The following ZMYND15 variants were observed in gnomAD, a reference collection of about 807,000 sequenced individuals.
ZMYND15 encodes the protein zinc finger MYND-type containing 15.
Under a neutral mutation model 81.7 loss-of-function variants are expected in ZMYND15, and 54 were observed. That is an observed-to-expected ratio of 0.66 (90% CI 0.53 to 0.83). The LOEUF (loss-of-function observed/expected upper bound fraction) is 0.83, where lower values mean the gene tolerates loss of function less well. ZMYND15 is among the 40% of genes least tolerant of loss of function. ZMYND15 has a pLI of 0.00. For synonymous variants in ZMYND15, 399 were observed against 387.0 expected (o/e 1.03, Z -0.36); for missense variants, 925 against 973.5 (o/e 0.95, Z 0.66).
In ZMYND15 at chr17:4,739,977, C is replaced by G; in HGVS notation, c.-104C>G. The G allele has an allele frequency of 1.0e-6, 1 of 985,314 alleles. No individual in the cohort carries two copies. Among genetic ancestry groups the G allele is most frequent in the Non-Finnish European group, 1.2e-6 (1 of 829,908 alleles). 61.0% of individuals were successfully genotyped at this position (985,314 alleles called of 1,614,324 possible). A position where few individuals can be genotyped will look rare whatever the true frequency, so the allele number is the denominator to read the frequency against. On this transcript the variant is annotated 5_prime_UTR_variant, in exon 1 of 14. Transcript: ENST00000433935. This position sits in a 1 kb window ranked among gnomAD's most constrained non-coding sequence, Gnocchi z 5.3. The stretch of plus-strand genomic sequence containing the variant: ...GCTGAGCCGGCGAGGGCTCGGGCAG[C>G]CCTGACGTCACAACCGCACCCGCGC...
In ZMYND15 at chr17:4,744,970, C is replaced by G; in HGVS notation, c.1896+42C>G. The G allele has an allele frequency of 1.9e-6, 3 of 1,611,848 alleles. No individual in the cohort carries two copies. Among genetic ancestry groups the G allele is most frequent in the East Asian group, 2.2e-5 (1 of 44,868 alleles). ...AAAGGGAACTTCTCTCCCCTCCTGC[C>G]TGGCCCCTCCCCATCTCCTTTTCTG... is the stretch of plus-strand genomic sequence containing the variant. On this transcript the variant is annotated intron_variant, in intron 12 of 13. Transcript: ENST00000433935. This position sits in a 1 kb window ranked among gnomAD's most constrained non-coding sequence, Gnocchi z 4.1.
Position 4,745,053 on chromosome 17 carries a change from C to A in ZMYND15, c.1896+125C>A. The A allele has an allele frequency of 6.6e-7, 1 of 1,520,104 alleles. No individual in the cohort carries two copies. Among genetic ancestry groups the A allele is most frequent in the Non-Finnish European group, 9.1e-7 (1 of 1,103,602 alleles). 94.2% of individuals were successfully genotyped at this position (1,520,104 alleles called of 1,614,324 possible). A position where few individuals can be genotyped will look rare whatever the true frequency, so the allele number is the denominator to read the frequency against. On this transcript the variant is annotated intron_variant, in intron 12 of 13. Transcript: ENST00000433935. The surrounding 1 kb of genome is among the most constrained non-coding windows in gnomAD (Gnocchi z 5.2). ...ACCTGCTCCACAAACCTGGGGAGTG[C>A]CCACGGGTCCCCCTGCCTCTCTCTG...
Position 4,740,830 on chromosome 17 carries a change from A to G in ZMYND15, c.282A>G (p.Pro94=), listed in dbSNP as rs766464716. The G allele has an allele frequency of 6.3e-7, 1 of 1,580,928 alleles. No homozygotes were observed. The highest frequency in any genetic ancestry group is 1.1e-5 in the South Asian group (1 of 87,076). The change falls in exon 2 of 14, where the codon CCA becomes CCG. Residue 94 remains proline, a synonymous_variant. Transcript: ENST00000433935. ...CCTGGCTCCTGGGAGACAACCCTCC[A>G]CTCCACCTGCGAGACCTGAGCCCCT... ...GTAWLLGDNP[P]LHLRDLSPYI...
At position 4,742,078 on chromosome 17, in the gene ZMYND15, G is replaced by T. The variant is rs747139005; in HGVS notation, c.983+8G>T. The T allele has an allele frequency of 1.2e-6, 2 of 1,613,966 alleles. No homozygotes were observed. Among genetic ancestry groups the T allele is most frequent in the Non-Finnish European group, 8.5e-7 (1 of 1,179,884 alleles). Reference sequence around the variant, plus strand: ...AGCGAAGCTGACACCTTGGTGAGCAGCCCCAAAGCTGGGGGAGAGGAAGAC... The same window carrying T: ...AGCGAAGCTGACACCTTGGTGAGCATCCCCAAAGCTGGGGGAGAGGAAGAC... On this transcript the variant is annotated splice_region_variant and intron_variant, in intron 4 of 13. Transcript: ENST00000433935.
In ZMYND15 at chr17:4,743,885, C is replaced by G; in HGVS notation, c.1378+38C>G. 1.2e-6 allele frequency: 2 copies of G among 1,608,592 alleles called. No homozygotes were observed. The highest frequency in any genetic ancestry group is 1.7e-6 in the Non-Finnish European group (2 of 1,176,794). On this transcript the variant is annotated intron_variant, in intron 7 of 13. Transcript: ENST00000433935. The surrounding 1 kb of genome is among the most constrained non-coding windows in gnomAD (Gnocchi z 4.3). ...GGCCCTGTGGAAGCTAGGGGTAGGG[C>G]CAGGGACTGGAGAACCAGAGCCTGG... is the stretch of plus-strand genomic sequence containing the variant.
Position 4,741,086 on chromosome 17 carries a change from G to A in ZMYND15, c.538G>A (p.Glu180Lys). 1.9e-6 allele frequency: 3 copies of A among 1,542,188 alleles called. No homozygotes were observed. Among genetic ancestry groups the A allele is most frequent in the Non-Finnish European group, 2.6e-6 (3 of 1,141,534 alleles). Residue 180 changes from glutamate to lysine, a missense_variant, in exon 2 of 14, where the codon GAG becomes AAG. By Grantham distance (56) the Glu-to-Lys change is moderately conservative. Coordinates refer to ENST00000433935, the MANE Select transcript of ZMYND15 (RefSeq NM_001136046.3). ...EAGGGKDGCR[E>K]DRVENETRPQ... Reference sequence around the variant, plus strand: ...AGGAGGTGGCAAGGATGGCTGCCGAGAGGACAGGGTGGAGAACGAAACAAG... The same window carrying A: ...AGGAGGTGGCAAGGATGGCTGCCGAAAGGACAGGGTGGAGAACGAAACAAG...
rs1916575676 is a variant in ZMYND15, at chr17:4,744,474, G to C, written c.1683+7G>C. ...GCATTTTACCCTGCAGAGGGTGAGG[G>C]CTGAGGGGGCCCTGCTTTTCAGCCC... On this transcript the variant is annotated splice_region_variant and intron_variant, in intron 10 of 13. Coordinates refer to ENST00000433935, the MANE Select transcript of ZMYND15 (RefSeq NM_001136046.3). The surrounding 1 kb of genome is among the most constrained non-coding windows in gnomAD (Gnocchi z 4.1). 6.2e-7 allele frequency: 1 copy of C among 1,613,592 alleles called. No individual in the cohort carries two copies. The highest frequency in any genetic ancestry group is 8.5e-7 in the Non-Finnish European group (1 of 1,179,980).
rs1215385004 is a variant in ZMYND15 at position 4,743,004 on chromosome 17, C to T, written c.1145-299C>T. 1.3e-5 allele frequency among the ~76,000 whole-genome samples: 2 copies of T among 152,036 alleles called. No homozygotes were observed. Among genetic ancestry groups the T allele is most frequent in the African/African-American group, 4.8e-5 (2 of 41,372 alleles). Reference sequence around the variant, plus strand: ...CCGGGCAATGGTTCACACCCGTAATCCCAGCACTTTGGGAGGCCAACTTGA... The same window carrying T: ...CCGGGCAATGGTTCACACCCGTAATTCCAGCACTTTGGGAGGCCAACTTGA... On this transcript the variant is annotated intron_variant, in intron 5 of 13. Transcript: ENST00000433935. The surrounding 1 kb of genome is among the most constrained non-coding windows in gnomAD (Gnocchi z 4.3).
chr17:4,741,279 G>GTTT, intron 2 of ZMYND15, 139 bp downstream of exon 2: 3 of 789,944 alleles, frequency 3.8e-6, no homozygotes, highest in Non-Finnish European at 5.2e-6. Flanking sequence ...CCACAGTGGG[G>GTTT]TTTTTTTTTT....
In ZMYND15 at chr17:4,742,489, C is replaced by A. The variant is rs1341367883; in HGVS notation, c.1142C>A (p.Ala381Glu). ...ELATLPFTYT[A>E]EVTSETFNKE... ...GCAACCCTGCCTTTTACCTACACCG[C>A]AGGTACCATAAGGAGGTCAGAATGG... Residue 381 changes from alanine (A) to glutamate (E), a missense_variant and splice_region_variant, in exon 5 of 14, where the codon GCA becomes GAA. By Grantham distance (107) the Ala-to-Glu change is moderately radical (BLOSUM62 -1). Coordinates refer to ENST00000433935, the MANE Select transcript of ZMYND15 (RefSeq NM_001136046.3). 1 of 1,613,884 alleles carries A rather than the reference C, an allele frequency of 6.2e-7. No individual in the cohort carries two copies. The highest frequency in any genetic ancestry group is 1.3e-5 in the African/African-American group (1 of 75,050).
rs1353351852 is a variant in ZMYND15, at chr17:4,743,659, C to T, written c.1298-108C>T. 7.6e-6 allele frequency: 10 copies of T among 1,317,176 alleles called. No individual in the cohort carries two copies. The East Asian group carries it at 1.7e-4, about 22-fold the overall frequency. The allele number at this position is 1,317,176 out of a possible 1,614,324, so 81.6% of individuals were successfully genotyped here. A position where few individuals can be genotyped will look rare whatever the true frequency, so the allele number is the denominator to read the frequency against. The stretch of plus-strand genomic sequence containing the variant: ...CCCATCCCTATGCAAACCCCCATTC[C>T]TCTTACTGCGGCTGTCTCAGGGAAT... On this transcript the variant is annotated intron_variant, in intron 6 of 13. Coordinates refer to ENST00000433935, the MANE Select transcript of ZMYND15 (RefSeq NM_001136046.3). The surrounding 1 kb of genome is among the most constrained non-coding windows in gnomAD (Gnocchi z 4.3).
Position 4,743,884 on chromosome 17 carries a change from G to C in ZMYND15, c.1378+37G>C. 1 of 1,609,274 alleles carries C rather than the reference G, an allele frequency of 6.2e-7. No individual in the cohort carries two copies. Among genetic ancestry groups the C allele is most frequent in the Non-Finnish European group, 8.5e-7 (1 of 1,177,280 alleles). The stretch of plus-strand genomic sequence containing the variant: ...GGGCCCTGTGGAAGCTAGGGGTAGG[G>C]CCAGGGACTGGAGAACCAGAGCCTG... On this transcript the variant is annotated intron_variant, in intron 7 of 13. Coordinates refer to ENST00000433935, the MANE Select transcript of ZMYND15 (RefSeq NM_001136046.3). The surrounding 1 kb of genome is among the most constrained non-coding windows in gnomAD (Gnocchi z 4.3).
chr17:4,743,387 T>A lies in ZMYND15; in HGVS notation c.1229T>A (p.Leu410Gln). 1 of 1,614,082 alleles carries A rather than the reference T, an allele frequency of 6.2e-7. No homozygotes were observed. The highest frequency in any genetic ancestry group is 8.5e-7 in the Non-Finnish European group (1 of 1,179,990). The stretch of plus-strand genomic sequence containing the variant: ...GGCTATTGGACCCAGCTCAGCATGC[T>A]GATTCCAGGCCCGGGCTTCTCCAGA... Reference protein sequence around the residue: ...TRGYWTQLSMLIPGPGFSRHP... With the variant: ...TRGYWTQLSMQIPGPGFSRHP... The change falls in exon 6 of 14, where the codon CTG becomes CAG. Residue 410 changes from leucine (L) to glutamine (Q), a missense_variant. Leu to Gln is a moderately radical substitution (Grantham distance 113). Coordinates refer to ENST00000433935, the MANE Select transcript of ZMYND15 (RefSeq NM_001136046.3). The surrounding 1 kb of genome is among the most constrained non-coding windows in gnomAD (Gnocchi z 4.3).
chr17:4,744,962 C>T lies in ZMYND15; in HGVS notation c.1896+34C>T. On this transcript the variant is annotated intron_variant, in intron 12 of 13. Transcript: ENST00000433935. The surrounding 1 kb of genome is among the most constrained non-coding windows in gnomAD (Gnocchi z 4.1). ...TGGGGGCAAAAGGGAACTTCTCTCC[C>T]CTCCTGCCTGGCCCCTCCCCATCTC... The T allele has an allele frequency of 6.2e-7, 1 of 1,613,260 alleles. No individual in the cohort carries two copies. The highest frequency in any genetic ancestry group is 8.5e-7 in the Non-Finnish European group (1 of 1,179,252).
In ZMYND15 at chr17:4,743,246, A is replaced by C; in HGVS notation, c.1145-57A>C. 1 of 1,488,548 alleles carries C rather than the reference A, an allele frequency of 6.7e-7. No individual in the cohort carries two copies. Among genetic ancestry groups the C allele is most frequent in the Non-Finnish European group, 9.1e-7 (1 of 1,101,960 alleles). The allele number at this position is 1,488,548 out of a possible 1,614,324, so 92.2% of individuals were successfully genotyped here. A position where few individuals can be genotyped will look rare whatever the true frequency, so the allele number is the denominator to read the frequency against. On this transcript the variant is annotated intron_variant, in intron 5 of 13. Coordinates refer to ENST00000433935, the MANE Select transcript of ZMYND15 (RefSeq NM_001136046.3). This position sits in a 1 kb window ranked among gnomAD's most constrained non-coding sequence, Gnocchi z 4.3. ...AGAGCAAGACTCTGTCTCAAAAAAA[A>C]AAAAATGTCTGGGGTTCTAGCCCAG...
chr17:4,744,470 G>A lies in ZMYND15; in HGVS notation c.1683+3G>A, dbSNP rs376718455. The A allele has an allele frequency of 1.9e-6, 3 of 1,613,734 alleles. No homozygotes were observed. The highest frequency in any genetic ancestry group is 2.2e-5 in the South Asian group (2 of 91,078). On this transcript the variant is annotated splice_donor_region_variant and intron_variant, in intron 10 of 13. Transcript: ENST00000433935. This position sits in a 1 kb window ranked among gnomAD's most constrained non-coding sequence, Gnocchi z 4.1. ...AGCAGCATTTTACCCTGCAGAGGGT[G>A]AGGGCTGAGGGGGCCCTGCTTTTCA...
At position 4,745,754 on chromosome 17, in the gene ZMYND15, C is replaced by T. The variant is rs552139161; in HGVS notation, c.2058-65C>T. The T allele has an allele frequency of 7.1e-7, 1 of 1,409,986 alleles. No individual in the cohort carries two copies. The highest frequency in any genetic ancestry group is 1.3e-5 in the South Asian group (1 of 74,512). 87.3% of individuals were successfully genotyped at this position (1,409,986 alleles called of 1,614,324 possible). A position where few individuals can be genotyped will look rare whatever the true frequency, so the allele number is the denominator to read the frequency against. ...GACCGCGCCCCTGGGAGCCCCGACC[C>T]CTGGGAGCGCCGACCCCTGGGAGTC... is the stretch of plus-strand genomic sequence containing the variant. On this transcript the variant is annotated intron_variant, in intron 13 of 13. Coordinates refer to ENST00000433935, the MANE Select transcript of ZMYND15 (RefSeq NM_001136046.3). The surrounding 1 kb of genome is among the most constrained non-coding windows in gnomAD (Gnocchi z 5.2).
At chr17:4,742,930 C>T (rs1567698824) in intron 5 of ZMYND15, among the ~76,000 whole-genome samples, 1 of 152,184 alleles carries the variant, frequency 6.6e-6, no homozygotes, top group East Asian at 1.9e-4. Flanking sequence ...AGACTTAGAA[C>T]CAGGGTCCTC....
At chr17:4,741,263 A>C in intron 2 of ZMYND15, 123 bp downstream of exon 2, 1 of 1,150,320 alleles carries the variant, frequency 8.7e-7, no homozygotes, top group Non-Finnish European at 1.2e-6. Flanking sequence ...AGGTGTTTTT[A>C]TTGACCCACA....
Sources: gnomAD v4.1 joint callset for allele counts (sites outside exome capture counted in the v4.1 genomes callset) on GRCh38, gnomAD v4.1.1 for gene constraint, Gnocchi (gnomAD v3.1) non-coding constraint, MANE v1.5 for transcripts, NCBI Gene and HGNC (gene_info 2026-07-23, HGNC 2026-07-21) for gene names.